The following APTX variants were observed in gnomAD, a reference collection of about 807,000 sequenced individuals.
The protein encoded by APTX is aprataxin.
APTX carries 33 observed loss-of-function variants against 42.3 expected under a neutral mutation model. The ratio of observed to expected loss-of-function variants is 0.78; its 90% CI spans 0.59 to 1.04. The LOEUF (loss-of-function observed/expected upper bound fraction) is 1.04. APTX is among the 50% of genes least tolerant of loss of function. The pLI is 0.00. For synonymous variants in APTX, 130 were observed against 146.7 expected, an observed-to-expected ratio of 0.89 and a Z score of 0.82; for missense variants, 421 against 415.1, an observed-to-expected ratio of 1.01 and a Z score of -0.12.
intron 2 of APTX, 144 bp downstream of exon 2, chr9:32,989,615 G>C (rs1340152501): frequency 1.6e-6 from 2 of 1,216,270 alleles, no homozygotes; most frequent in Non-Finnish European, 2.4e-6. Context: ...ATAGGGCCCT[G>C]GTGTTGGCTA....
intron 1 of APTX, among the ~76,000 whole-genome samples, chr9:32,992,420 T>G (rs917043938): frequency 9.8e-5 from 15 of 152,292 alleles, no homozygotes; most frequent in Admixed American, 3.9e-4. Flanking sequence ...AGAAACCTCC[T>G]GGTTAGAGAT....
Position 33,001,564 on chromosome 9 carries a change from T to G in APTX, c.-5+3A>C, listed in dbSNP as rs1371133908. ...AGAAGAGATAGGCTGACGACCGCCT[T>G]ACCTCCAGAAGTCGGAGACGGACAA... On this transcript the variant is annotated splice_donor_region_variant and intron_variant, in intron 1 of 7. Coordinates refer to ENST00000379817, the MANE Select transcript of APTX (RefSeq NM_001195248.2). The G allele has an allele frequency of 5.6e-6, 9 of 1,613,942 alleles. No homozygotes were observed. The South Asian group carries it at 9.9e-5, about 18-fold the overall frequency.
At chr9:32,983,837 T>G (rs2376440) in intron 6 of APTX, among the ~76,000 whole-genome samples, 145,523 of 152,224 alleles carry the variant, frequency 0.96, 69,864 homozygotes, top group East Asian at 1. Flanking sequence ...ACAATGGTGG[T>G]TGCCAGGAGT....
At chr9:32,998,192 T>A (rs1189170806) in intron 1 of APTX, among the ~76,000 whole-genome samples, 3 of 152,176 alleles carry the variant, frequency 2.0e-5, no homozygotes, top group Non-Finnish European at 2.9e-5. Context: ...GATAGTCAGA[T>A]GTGAGGGTAA....
chr9:33,022,787 T>C (rs771953145), intron 1 of APTX, among the ~76,000 whole-genome samples: 5 of 152,174 alleles, frequency 3.3e-5, no homozygotes, highest in African/African-American at 9.7e-5. Context: ...TACAAAGTTA[T>C]TGCCAGTTTT....
chr9:33,003,230 G>A (rs1222895935), upstream of APTX, among the ~76,000 whole-genome samples: 3 of 152,160 alleles, frequency 2.0e-5, no homozygotes, highest in South Asian at 4.1e-4. Flanking sequence ...GAGTTTCCAC[G>A]TCCTGCTTGT....
chr9:32,995,647 G>T (rs1834667927), intron 1 of APTX, among the ~76,000 whole-genome samples: 1 of 152,134 alleles, frequency 6.6e-6, no homozygotes, highest in South Asian at 2.1e-4. Flanking sequence ...CAGCACTTTG[G>T]GAGGCCAAGG....
upstream of APTX, among the ~76,000 whole-genome samples, chr9:33,004,630 C>CTT (rs3065216): frequency 8.8e-3 from 1,111 of 125,646 alleles, 15 homozygotes; most frequent in African/African-American, 0.016. Context: ...CTTGCCAACC[C>CTT]TTTTTTTTTT....
intron 4 of APTX, chr9:32,986,301 T>C: frequency 5.8e-6 from 3 of 516,426 alleles, no homozygotes; most frequent in Non-Finnish European, 1.1e-5. Context: ...TCCGAAGTGA[T>C]TCTCCTGCCT....
chr9:33,001,451 C>A lies in APTX; in HGVS notation c.-5+116G>T, dbSNP rs1197774. 825,441 of 1,572,624 alleles carry A rather than the reference C, an allele frequency of 0.52. 220,949 individuals carry two copies. The highest frequency in any genetic ancestry group is 0.81 in the African/African-American group (60,077 of 74,094). ...GGAGAAAGCAGCCGTGAGAGCAGCG[C>A]ATGAAAGCAGCGTCATTCAAGGCAC... On this transcript the variant is annotated intron_variant, in intron 1 of 7. Coordinates refer to ENST00000379817, the MANE Select transcript of APTX (RefSeq NM_001195248.2).
chr9:33,004,807 ATT>A (rs200119506), upstream of APTX, among the ~76,000 whole-genome samples: 53 of 140,052 alleles, frequency 3.8e-4, no homozygotes, highest in African/African-American at 1.2e-3. Flanking sequence ...TAATTTTTGT[ATT>A]TTTTTTTTTT....
Position 32,973,425 on chromosome 9 carries a change from A to G in APTX, c.*73T>C, listed in dbSNP as rs1828510496. On this transcript the variant is annotated 3_prime_UTR_variant, in exon 8 of 8. Transcript: ENST00000379817. ...ATTTAGGAAATGAGTAGAAGTTCAC[A>G]AGCAACCCAGAATAGGTGCCAGCAG... 2 of 1,543,474 alleles carry G rather than the reference A, an allele frequency of 1.3e-6. No homozygotes were observed. The highest frequency in any genetic ancestry group is 1.8e-6 in the Non-Finnish European group (2 of 1,118,266).
At chr9:33,010,264 C>A (rs942153473) in intron 1 of APTX, among the ~76,000 whole-genome samples, 3 of 152,160 alleles carry the variant, frequency 2.0e-5, no homozygotes, top group Non-Finnish European at 4.4e-5. Context: ...CACACGGATA[C>A]CCACATCCCA....
chr9:33,021,240 G>A (rs1254867591), intron 1 of APTX, among the ~76,000 whole-genome samples: 2 of 151,600 alleles, frequency 1.3e-5, no homozygotes, highest in Non-Finnish European at 2.9e-5. Context: ...ACACATTTAA[G>A]AAGAAATGAT....
At chr9:33,017,492 C>A (rs1269303413) in intron 1 of APTX, among the ~76,000 whole-genome samples, 2 of 133,416 alleles carry the variant, frequency 1.5e-5, no homozygotes, top group African/African-American at 5.0e-5. Context: ...TTTGTAAGGG[C>A]ACTAATCCCA....
upstream of APTX, among the ~76,000 whole-genome samples, chr9:33,004,634 T>TC (rs1297901271): frequency 1.0e-5 from 1 of 96,128 alleles, no homozygotes; most frequent in Non-Finnish European, 2.5e-5. Context: ...CCAACCCTTT[T>TC]TTTTTTTTTT....
rs766312381 is a variant in APTX, at chr9:32,987,604, C to G, written c.423G>C (p.Gly141=). 6.2e-7 allele frequency: 1 copy of G among 1,614,172 alleles called. No homozygotes were observed. The highest frequency in any genetic ancestry group is 2.2e-5 in the East Asian group (1 of 44,886). ...GCACAGAGCATTGGCCAGAGTTGCT[C>G]CCAGGTTCCAGCCCTGTCCCAGCCT... ...EAEAGTGLEP[G]SNSGQCSVPL... The change falls in exon 4 of 8, where the codon GGG becomes GGC. Residue 141 remains glycine, a synonymous_variant. Transcript: ENST00000379817.
chr9:33,012,345 T>C (rs1837599236), intron 1 of APTX, among the ~76,000 whole-genome samples: 1 of 152,212 alleles, frequency 6.6e-6, no homozygotes, highest in Non-Finnish European at 1.5e-5. Flanking sequence ...CCTTTCTCTC[T>C]GTGGTAGCCA....
intron 1 of APTX, among the ~76,000 whole-genome samples, chr9:32,994,794 C>A (rs912530411): frequency 6.6e-6 from 1 of 152,190 alleles, no homozygotes; most frequent in Non-Finnish European, 1.5e-5. Flanking sequence ...TGCCTGACTT[C>A]AAAGCTTCAA....
Sources: gnomAD v4.1 joint callset for allele counts (sites outside exome capture counted in the v4.1 genomes callset) on GRCh38, gnomAD v4.1.1 for gene constraint, MANE v1.5 for transcripts, NCBI Gene and HGNC (gene_info 2026-07-23, HGNC 2026-07-21) for gene names.